The following CELF2 variants were observed in gnomAD, a reference collection of about 807,000 sequenced individuals.
CELF2 encodes CUGBP Elav-like family member 2.
CELF2 carries 8 observed loss-of-function variants against 62.6 expected under a neutral mutation model. The ratio of observed to expected loss-of-function variants is 0.13; its 90% CI spans 0.07 to 0.23. The LOEUF is 0.23. CELF2 is among the 10% of genes least tolerant of loss of function. CELF2 has a pLI of 1.00. For synonymous variants in CELF2, 258 were observed against 250.0 expected, an observed-to-expected ratio of 1.03 and a Z score of -0.30; for missense variants, 333 against 671.0, an observed-to-expected ratio of 0.50 and a Z score of 5.56.
intron 1 of CELF2, among the ~76,000 whole-genome samples, chr10:11,023,962 AATTTT>A (rs1283832149): frequency 1.3e-5 from 2 of 152,192 alleles, no homozygotes; most frequent in Admixed American, 6.5e-5. Flanking sequence ...GTTTTGGTTA[AATTTT>A]ATTTACTCCA....
At chr10:11,171,653 C>A (rs1457101200) in intron 2 of CELF2, among the ~76,000 whole-genome samples, 1 of 152,172 alleles carries the variant, frequency 6.6e-6, no homozygotes. Flanking sequence ...AGGGTAGGCC[C>A]TGGGGAAGAG....
At chr10:11,134,433 A>C (rs1318261210) in intron 1 of CELF2, among the ~76,000 whole-genome samples, 1 of 152,250 alleles carries the variant, frequency 6.6e-6, no homozygotes, top group Non-Finnish European at 1.5e-5. Context: ...GAAGGCTTGC[A>C]TAGAATTAGG....
At chr10:10,927,437 TA>T (rs1429220852) in intron 2 of CELF2, among the ~76,000 whole-genome samples, 2 of 151,908 alleles carry the variant, frequency 1.3e-5, no homozygotes, top group African/African-American at 4.8e-5. Context: ...TTTATTTATT[TA>T]TTTTTTTTGA....
At chr10:10,533,692 G>A in the CELF2 span, among the ~76,000 whole-genome samples, 1 of 152,316 alleles carries the variant, frequency 6.6e-6, no homozygotes, top group Non-Finnish European at 1.5e-5. Flanking sequence ...GAAAGAATCA[G>A]AGAAAATGGA....
intron 2 of CELF2, among the ~76,000 whole-genome samples, chr10:11,195,548 A>C (rs2057239192): frequency 6.6e-6 from 1 of 152,214 alleles, no homozygotes; most frequent in Non-Finnish European, 1.5e-5. Context: ...CACTAAGGGA[A>C]ACAGGACAAG....
chr10:10,694,705 G>T, the CELF2 span, among the ~76,000 whole-genome samples: 7 of 151,792 alleles, frequency 4.6e-5, no homozygotes, highest in African/African-American at 1.7e-4. Flanking sequence ...CCTGTATTGG[G>T]TGCATATATA....
In CELF2 at chr10:11,335,433, CACCCTCT is replaced by C. The variant is rs1377823302; in HGVS notation, c.*6381_*6387del. 1.3e-5 allele frequency: 2 copies of C among 152,348 alleles called. No individual in the cohort carries two copies. The highest frequency in any genetic ancestry group is 2.9e-5 in the Non-Finnish European group (2 of 68,142). 9.4% of individuals were successfully genotyped at this position (152,348 alleles called of 1,614,324 possible). ...TCTCCCAGTAGGTGCTCAGGCTCTT[CACCCTCT>C]CGTTGCAGCAGCCCCTCTGGCCCGA... On this transcript the variant is annotated 3_prime_UTR_variant, in exon 13 of 13. Transcript: ENST00000633077. The surrounding 1 kb of genome is among the most constrained non-coding windows in gnomAD (Gnocchi z 5.0).
chr10:11,318,294 T>A lies in CELF2; in HGVS notation c.1097-2895T>A. On this transcript the variant is annotated intron_variant, in intron 10 of 12. Transcript: ENST00000633077. The surrounding 1 kb of genome is among the most constrained non-coding windows in gnomAD (Gnocchi z 5.4). ...AATATTCTCAGTGTGCTGGTACTTG[T>A]TAGAACTTTTTTGTTCACATGGATG... 6.2e-6 allele frequency: 1 copy of A among 161,228 alleles called. No homozygotes were observed. Among genetic ancestry groups the A allele is most frequent in the Non-Finnish European group, 1.4e-5 (1 of 73,948 alleles). The allele number at this position is 161,228 out of a possible 1,614,324, so 10.0% of individuals were successfully genotyped here. A position where few individuals can be genotyped will look rare whatever the true frequency, so the allele number is the denominator to read the frequency against.
At chr10:10,977,854 A>C (rs1376075412) in intron 2 of CELF2, among the ~76,000 whole-genome samples, 3 of 152,176 alleles carry the variant, frequency 2.0e-5, no homozygotes, top group African/African-American at 7.2e-5. Flanking sequence ...GCTTACAGTA[A>C]AAGGGGCATC....
At chr10:10,729,722 T>C in the CELF2 span, among the ~76,000 whole-genome samples, 3 of 151,416 alleles carry the variant, frequency 2.0e-5, no homozygotes, top group Non-Finnish European at 4.4e-5. Flanking sequence ...GAGGGTGCAG[T>C]AAGCCGAGAT....
intron 1 of CELF2, among the ~76,000 whole-genome samples, chr10:10,887,525 G>A (rs1170808591): frequency 1.3e-5 from 2 of 152,176 alleles, no homozygotes; most frequent in Non-Finnish European, 2.9e-5. Flanking sequence ...TGTTGAGTGG[G>A]AAAAACAAAT....
rs557846633 is a variant in CELF2 at position 11,102,701 on chromosome 10, G to A, written c.75-62785G>A. Among the ~76,000 whole-genome samples, 35 of 152,216 alleles carry A rather than the reference G, an allele frequency of 2.3e-4. 1 individual carries two copies. The highest frequency in any genetic ancestry group is 8.4e-4 in the African/African-American group (35 of 41,512). Reference sequence around the variant, plus strand: ...CTTGAATGCCAGTAATTTTGGATTGGAAATCTCTTCCTAGGCAACCAAATT... The same window carrying A: ...CTTGAATGCCAGTAATTTTGGATTGAAAATCTCTTCCTAGGCAACCAAATT... On this transcript the variant is annotated intron_variant, in intron 1 of 12. Coordinates refer to ENST00000633077, the MANE Select transcript of CELF2 (RefSeq NM_001326342.2).
intron 2 of CELF2, among the ~76,000 whole-genome samples, chr10:10,940,045 C>A (rs1046638956): frequency 2.0e-5 from 3 of 152,140 alleles, no homozygotes; most frequent in Non-Finnish European, 4.4e-5. Context: ...TTGAAAATAG[C>A]ATTTTACTTC....
chr10:11,074,296 G>C (rs111405722), intron 1 of CELF2, among the ~76,000 whole-genome samples: 1 of 152,042 alleles, frequency 6.6e-6, no homozygotes, highest in East Asian at 1.9e-4. Flanking sequence ...AAATATATTC[G>C]TAAAGATTGG....
At position 10,978,034 on chromosome 10, in the gene CELF2, G is replaced by GTTTTT. The variant is rs527485788; in HGVS notation, c.89+58037_89+58041dup. ...GTGTTTTGGGTTTGGGTTTTTTTTT[G>GTTTTT]TTTTTTGTTTTTTTTTTTCCAGAGA... is the stretch of plus-strand genomic sequence containing the variant. On this transcript the variant is annotated intron_variant, in intron 2 of 13. Transcript: ENST00000636488. Among the ~76,000 whole-genome samples, 8 of 121,788 alleles carry GTTTTT rather than the reference G, an allele frequency of 6.6e-5. 2 individuals carry two copies. Among genetic ancestry groups the GTTTTT allele is most frequent in the Non-Finnish European group, 8.4e-5 (5 of 59,358 alleles). 79.9% of individuals were successfully genotyped at this position (121,788 alleles called of 152,430 possible).
chr10:10,980,690 T>C (rs1475767997), intron 2 of CELF2, among the ~76,000 whole-genome samples: 2 of 152,230 alleles, frequency 1.3e-5, no homozygotes, highest in Non-Finnish European at 2.9e-5. Context: ...CACAGGTTAT[T>C]TGAGAATCTG....
rs969100988 is a variant in CELF2 at position 11,280,206 on chromosome 10, G to C, written c.841+5086G>C. ...GAGCGACAGAGGGGAACCAGAAAGA[G>C]GACTTCCGGATGAGCGGAAGTGAAG... On this transcript the variant is annotated intron_variant, in intron 8 of 12. Coordinates refer to ENST00000633077, the MANE Select transcript of CELF2 (RefSeq NM_001326342.2). The surrounding 1 kb of genome is among the most constrained non-coding windows in gnomAD (Gnocchi z 7.6). Among the ~76,000 whole-genome samples, 3 of 152,188 alleles carry C rather than the reference G, an allele frequency of 2.0e-5. No individual in the cohort carries two copies. The highest frequency in any genetic ancestry group is 4.4e-5 in the Non-Finnish European group (3 of 68,026).
chr10:10,812,143 AT>A (rs2055963344), intron 1 of CELF2, among the ~76,000 whole-genome samples: 1 of 152,178 alleles, frequency 6.6e-6, no homozygotes, highest in Admixed American at 6.5e-5. Context: ...ATAAAGAAAA[AT>A]AGGTTTAATG....
At chr10:11,000,034 T>C (rs1045724206) in intron 2 of CELF2, among the ~76,000 whole-genome samples, 1 of 152,244 alleles carries the variant, frequency 6.6e-6, no homozygotes, top group Non-Finnish European at 1.5e-5. Context: ...ACCTGTGGCC[T>C]TCTTAAGATT....
Sources: gnomAD v4.1 joint callset for allele counts (sites outside exome capture counted in the v4.1 genomes callset) on GRCh38, gnomAD v4.1.1 for gene constraint, Gnocchi (gnomAD v3.1) non-coding constraint, MANE v1.5 for transcripts, NCBI Gene and HGNC (gene_info 2026-07-23, HGNC 2026-07-21) for gene names.